The following FAT3 variants were observed in gnomAD, a reference collection of about 807,000 sequenced individuals.
The protein encoded by FAT3 is protocadherin Fat 3.
Under a neutral mutation model 310.2 loss-of-function variants are expected in FAT3, and 95 were observed. The ratio of observed to expected loss-of-function variants is 0.31; its 90% CI spans 0.26 to 0.36. The LOEUF is 0.36. FAT3 is among the 10% of genes least tolerant of loss of function. The pLI is 1.00. For synonymous variants in FAT3, 2,314 were observed against 2,192.9 expected (o/e 1.06, Z -1.54); for missense variants, 5,408 against 5,715.6 (o/e 0.95, Z 1.74).
intron 1 of FAT3, among the ~76,000 whole-genome samples, chr11:92,276,133 A>C (rs1377641927): frequency 6.6e-6 from 1 of 152,174 alleles, no homozygotes; most frequent in Non-Finnish European, 1.5e-5. Context: ...CCGAACCAAA[A>C]TATTTTCTTT....
intron 1 of FAT3, among the ~76,000 whole-genome samples, chr11:92,263,652 T>G (rs1458208): frequency 0.42 from 63,685 of 150,988 alleles, 13,657 homozygotes; most frequent in South Asian, 0.53. Context: ...TATATATATA[T>G]ATAGAGAGAG....
intron 2 of FAT3, among the ~76,000 whole-genome samples, chr11:92,363,757 G>A (rs1948940783): frequency 1.3e-5 from 2 of 152,124 alleles, no homozygotes; most frequent in South Asian, 2.1e-4. Context: ...ATGAAGTTAT[G>A]ATCAAGTGAC....
rs753995810 is a variant in FAT3, at chr11:92,800,788, A to G, written c.7775A>G (p.Asp2592Gly). The change falls in exon 10 of 28, where the codon GAT becomes GGT. Residue 2592 changes from aspartate to glycine, a missense_variant. Asp to Gly is a moderately conservative substitution (Grantham distance 94, BLOSUM62 -1). Around this residue, in one of 5 missense-constraint regions of FAT3, gnomAD observed 4,588 missense variants for 4,809.8 expected, o/e 0.95. Transcript: ENST00000525166. ...TFCTVRVIVV[D>G]ENDNAPQFMT... ...TGCACTGTGAGAGTGATTGTTGTGG[A>G]TGAAAATGACAATGCTCCCCAGTTC... 6.2e-7 allele frequency: 1 copy of G among 1,613,938 alleles called. No homozygotes were observed. The highest frequency in any genetic ancestry group is 1.1e-5 in the South Asian group (1 of 91,074).
intron 4 of FAT3, among the ~76,000 whole-genome samples, chr11:92,753,798 G>GTGTGTGTGTATATATATATATATA: frequency 2.5e-5 from 3 of 119,176 alleles, no homozygotes; most frequent in African/African-American, 3.9e-5. Flanking sequence ...GTGTGTGTGT[G>GTGTGTGTGTATATATATATATATA]TATATATATA....
At chr11:92,646,981 T>C (rs916057364) in intron 3 of FAT3, among the ~76,000 whole-genome samples, 4 of 152,146 alleles carry the variant, frequency 2.6e-5, no homozygotes, top group African/African-American at 9.7e-5. Context: ...GGCATAGCTT[T>C]TTTAGACCTG....
At chr11:92,565,989 C>T (rs1223057093) in intron 3 of FAT3, among the ~76,000 whole-genome samples, 4 of 152,108 alleles carry the variant, frequency 2.6e-5, no homozygotes, top group Non-Finnish European at 5.9e-5. Flanking sequence ...GACAGGGATG[C>T]CCTCTCTCAC....
intron 3 of FAT3, among the ~76,000 whole-genome samples, chr11:92,566,893 G>A (rs973895101): frequency 2.0e-5 from 3 of 152,068 alleles, no homozygotes; most frequent in African/African-American, 4.8e-5. Context: ...AATTCAAGAT[G>A]GATTAAAGAC....
At chr11:92,442,244 G>T (rs908319409) in intron 2 of FAT3, among the ~76,000 whole-genome samples, 1 of 146,996 alleles carries the variant, frequency 6.8e-6, no homozygotes, top group Non-Finnish European at 1.5e-5. Context: ...CTCCTGAGTA[G>T]TTGGGACTAC....
intron 1 of FAT3, among the ~76,000 whole-genome samples, chr11:92,300,375 G>A (rs1946966854): frequency 6.6e-6 from 1 of 152,070 alleles, no homozygotes; most frequent in Non-Finnish European, 1.5e-5. Flanking sequence ...CTGTGTCTGT[G>A]TTTTCTGCTA....
intron 2 of FAT3, among the ~76,000 whole-genome samples, chr11:92,393,542 C>T (rs1316153578): frequency 6.6e-6 from 1 of 152,000 alleles, no homozygotes; most frequent in Non-Finnish European, 1.5e-5. Context: ...GATCAATGAC[C>T]GACATCTCGA....
At chr11:92,303,037 G>A (rs1483903365) in intron 1 of FAT3, among the ~76,000 whole-genome samples, 2 of 152,096 alleles carry the variant, frequency 1.3e-5, no homozygotes, top group East Asian at 1.9e-4. Flanking sequence ...AGTTTTTTGC[G>A]GTGTGAATCA....
chr11:92,883,505 A>G lies in FAT3; in HGVS notation c.12937+112A>G, dbSNP rs536951573. 2.0e-4 allele frequency: 265 copies of G among 1,356,442 alleles called. No individual in the cohort carries two copies. Among genetic ancestry groups the G allele is most frequent in the Non-Finnish European group, 2.5e-4 (253 of 1,008,538 alleles). The allele number at this position is 1,356,442 out of a possible 1,614,324, so 84.0% of individuals were successfully genotyped here. A position where few individuals can be genotyped will look rare whatever the true frequency, so the allele number is the denominator to read the frequency against. On this transcript the variant is annotated intron_variant, in intron 24 of 27. Transcript: ENST00000525166. This position sits in a 1 kb window ranked among gnomAD's most constrained non-coding sequence, Gnocchi z 4.2. ...AGACCCCGCATGCAGAGCATTCGCT[A>G]TGACATGTGCTGATGTCGAATGTGC...
intron 22 of FAT3, among the ~76,000 whole-genome samples, chr11:92,872,015 T>C (rs1036861169): frequency 2.0e-5 from 3 of 152,008 alleles, no homozygotes; most frequent in Non-Finnish European, 4.4e-5. Context: ...AGTCAGGAGA[T>C]TTTGGTAACT....
At chr11:92,424,480 A>T (rs1398922662) in intron 2 of FAT3, among the ~76,000 whole-genome samples, 1 of 152,116 alleles carries the variant, frequency 6.6e-6, no homozygotes, top group Non-Finnish European at 1.5e-5. Context: ...TTGCTCCAGA[A>T]TAAACCATGA....
intron 1 of FAT3, among the ~76,000 whole-genome samples, chr11:92,319,089 C>CAAA (rs1339234973): frequency 6.6e-6 from 1 of 152,068 alleles, no homozygotes; most frequent in African/African-American, 2.4e-5. Flanking sequence ...ACAACAACAA[C>CAAA]AATAACAAAA....
chr11:92,743,029 A>T (rs1055792844), intron 4 of FAT3, among the ~76,000 whole-genome samples: 6 of 152,210 alleles, frequency 3.9e-5, no homozygotes, highest in Non-Finnish European at 7.3e-5. Flanking sequence ...TCCAGTAATT[A>T]AGCACTTCTT....
intron 22 of FAT3, among the ~76,000 whole-genome samples, chr11:92,873,725 A>G (rs1466775286): frequency 6.6e-6 from 1 of 152,258 alleles, no homozygotes; most frequent in Non-Finnish European, 1.5e-5. Flanking sequence ...CAGATTTCAA[A>G]ACCATCTGCA....
intron 3 of FAT3, among the ~76,000 whole-genome samples, chr11:92,568,664 A>G (rs912696534): frequency 6.6e-6 from 1 of 152,112 alleles, no homozygotes; most frequent in Non-Finnish European, 1.5e-5. Context: ...CTGGCATGCA[A>G]GATATTCACT....
Position 92,761,990 on chromosome 11 carries a change from AAAG to A in FAT3, c.3809_3811del (p.Lys1270del). The stretch of plus-strand genomic sequence containing the variant: ...AGATCAAGCTGCCAGAACGTGACCG[AAAG>A]AAGAGAGGAGAACCGATTTACAGGG... On this transcript the variant is annotated inframe_deletion, in exon 5 of 28. Transcript: ENST00000525166. 2 of 1,613,966 alleles carry A rather than the reference AAAG, an allele frequency of 1.2e-6. No individual in the cohort carries two copies. The highest frequency in any genetic ancestry group is 1.7e-6 in the Non-Finnish European group (2 of 1,179,864).
Sources: gnomAD v4.1 joint callset for allele counts (sites outside exome capture counted in the v4.1 genomes callset) on GRCh38, gnomAD v4.1.1 for gene constraint, gnomAD v4.1.1 regional missense constraint, Gnocchi (gnomAD v3.1) non-coding constraint, MANE v1.5 for transcripts, NCBI Gene and HGNC (gene_info 2026-07-23, HGNC 2026-07-21) for gene names.